The following DOK6 variants were observed in gnomAD, a reference collection of about 807,000 sequenced individuals.
DOK6 encodes downstream of tyrosine kinase 6.
In DOK6, 22 loss-of-function variants were observed where a neutral mutation model predicts 44.0. The ratio of observed to expected loss-of-function variants is 0.50; its 90% CI spans 0.36 to 0.71. DOK6 has a LOEUF of 0.71. Ranked by LOEUF, DOK6 falls within the 30% of genes least tolerant of loss-of-function variation. DOK6 has a pLI of 0.00. For synonymous variants in DOK6, 166 were observed against 145.5 expected, an observed-to-expected ratio of 1.14 and a Z score of -1.01; for missense variants, 340 against 416.4, an observed-to-expected ratio of 0.82 and a Z score of 1.60.
At position 69,608,880 on chromosome 18, in the gene DOK6, G is replaced by A. The variant is rs986841729; in HGVS notation, c.289+9382G>A. ...CAGGTGAATCGCTTCAACCCGGGAGGTGGAGGTTGCAGTGAGCCGAGATGG... is the reference window on the plus strand; with the variant it reads ...CAGGTGAATCGCTTCAACCCGGGAGATGGAGGTTGCAGTGAGCCGAGATGG... On this transcript the variant is annotated intron_variant, in intron 3 of 7. Transcript: ENST00000382713. Among the ~76,000 whole-genome samples the A allele has an allele frequency of 3.4e-5, 5 of 147,872 alleles. No individual in the cohort carries two copies. The East Asian group carries it at 1.0e-3, about 30-fold the overall frequency.
intron 7 of DOK6, among the ~76,000 whole-genome samples, chr18:69,761,817 G>C (rs765800697): frequency 5.3e-5 from 8 of 152,224 alleles, no homozygotes; most frequent in Non-Finnish European, 1.2e-4. Context: ...AGGTATCTGA[G>C]TCATGTGGAC....
chr18:69,843,568 AC>A lies in DOK6; in HGVS notation c.*2186del, dbSNP rs1982282794. 6.6e-6 allele frequency: 1 copy of A among 152,262 alleles called. No individual in the cohort carries two copies. 9.4% of individuals were successfully genotyped at this position (152,262 alleles called of 1,614,324 possible). A position where few individuals can be genotyped will look rare whatever the true frequency, so the allele number is the denominator to read the frequency against. Reference sequence around the variant, plus strand: ...CTTTATTCATGTGCTGGAAGCACAAACAGCGAGTCCAGGGAGGGATTCTGCT... The same window carrying A: ...CTTTATTCATGTGCTGGAAGCACAAAAGCGAGTCCAGGGAGGGATTCTGCT... On this transcript the variant is annotated 3_prime_UTR_variant, in exon 8 of 8. Transcript: ENST00000382713.
chr18:69,511,708 T>A (rs1426667987), intron 1 of DOK6, among the ~76,000 whole-genome samples: 1 of 152,248 alleles, frequency 6.6e-6, no homozygotes, highest in Non-Finnish European at 1.5e-5. Flanking sequence ...CATCTGTAAA[T>A]TTATAATTAG....
At chr18:69,624,792 C>A (rs955240459) in intron 3 of DOK6, among the ~76,000 whole-genome samples, 1 of 152,096 alleles carries the variant, frequency 6.6e-6, no homozygotes, top group African/African-American at 2.4e-5. Flanking sequence ...GAAGCCAATT[C>A]TTTCCTAATT....
intron 4 of DOK6, among the ~76,000 whole-genome samples, chr18:69,695,842 C>T (rs1007763415): frequency 2.0e-5 from 3 of 151,988 alleles, no homozygotes; most frequent in Admixed American, 2.0e-4. Flanking sequence ...AAATAGCATC[C>T]AAAGGAAGAC....
chr18:69,763,524 G>A (rs1441758969), intron 7 of DOK6, among the ~76,000 whole-genome samples: 3 of 152,046 alleles, frequency 2.0e-5, no homozygotes, highest in African/African-American at 7.2e-5. Flanking sequence ...GTATTTCCAA[G>A]GCGTTGGGAA....
At chr18:69,564,659 C>A in intron 2 of DOK6, 65 bp downstream of exon 2, 7 of 1,320,830 alleles carry the variant, frequency 5.3e-6, no homozygotes, top group South Asian at 2.7e-5. Context: ...GGAGATATTT[C>A]TTTGATAAAT....
intron 7 of DOK6, among the ~76,000 whole-genome samples, chr18:69,815,547 C>T (rs963099527): frequency 2.6e-5 from 4 of 152,164 alleles, no homozygotes; most frequent in Non-Finnish European, 5.9e-5. Flanking sequence ...CATGCTTTCA[C>T]ATAAGAATGA....
At position 69,712,949 on chromosome 18, in the gene DOK6, G is replaced by A. The variant is rs186888027; in HGVS notation, c.599+14356G>A. Among the ~76,000 whole-genome samples the A allele has an allele frequency of 2.6e-5, 4 of 152,264 alleles. No homozygotes were observed. The East Asian group carries it at 7.7e-4, about 29-fold the overall frequency. On this transcript the variant is annotated intron_variant, in intron 5 of 7. Coordinates refer to ENST00000382713, the MANE Select transcript of DOK6 (RefSeq NM_152721.6). ...TCTTTCCTGATTTGATTACATAGGT[G>A]GAAAAGATGCTTGAAAATATTGCTT...
chr18:69,654,278 A>C lies in DOK6; in HGVS notation c.290-23456A>C, dbSNP rs530432165. The stretch of plus-strand genomic sequence containing the variant: ...AAGAGAAAAAGAGATTGTGTCAAGG[A>C]AATATTTGAATGGAAATTGGCAGAG... On this transcript the variant is annotated intron_variant, in intron 3 of 7. Transcript: ENST00000382713. Among the ~76,000 whole-genome samples, 11 of 152,338 alleles carry C rather than the reference A, an allele frequency of 7.2e-5. No homozygotes were observed. The South Asian group carries it at 2.3e-3, about 32-fold the overall frequency.
intron 3 of DOK6, among the ~76,000 whole-genome samples, chr18:69,674,291 C>G (rs1985871110): frequency 6.6e-6 from 1 of 152,126 alleles, no homozygotes; most frequent in African/African-American, 2.4e-5. Flanking sequence ...ACTGTTAGCT[C>G]CAAGTATACA....
intron 6 of DOK6, among the ~76,000 whole-genome samples, chr18:69,750,134 G>A (rs917948274): frequency 6.6e-6 from 1 of 150,614 alleles, no homozygotes; most frequent in African/African-American, 2.4e-5. Context: ...AAGTGCAGAT[G>A]AAACAAAGAT....
intron 2 of DOK6, among the ~76,000 whole-genome samples, chr18:69,598,657 T>C (rs911874857): frequency 5.3e-5 from 8 of 152,276 alleles, no homozygotes; most frequent in African/African-American, 1.7e-4. Context: ...TGAGGAAATA[T>C]ACATTTGTTT....
intron 1 of DOK6, among the ~76,000 whole-genome samples, chr18:69,534,113 C>T (rs903304520): frequency 1.2e-4 from 18 of 152,118 alleles, no homozygotes; most frequent in African/African-American, 4.3e-4. Flanking sequence ...TTTTAAAATA[C>T]ATTTTTCAAT....
At chr18:69,744,320 A>G (rs1436611929) in intron 6 of DOK6, among the ~76,000 whole-genome samples, 1 of 152,118 alleles carries the variant, frequency 6.6e-6, no homozygotes, top group Non-Finnish European at 1.5e-5. Context: ...AAAAAAAAAA[A>G]AAAAGAATAA....
intron 3 of DOK6, among the ~76,000 whole-genome samples, chr18:69,613,168 G>T (rs1222916590): frequency 2.0e-5 from 3 of 152,166 alleles, no homozygotes; most frequent in African/African-American, 7.2e-5. Context: ...ACCGTGGCTT[G>T]CCTATTGCTT....
At chr18:69,556,266 G>A (rs902073207) in intron 1 of DOK6, among the ~76,000 whole-genome samples, 18 of 152,048 alleles carry the variant, frequency 1.2e-4, no homozygotes. Context: ...AGCTCTTGAA[G>A]CAGTTCAGAA....
At chr18:69,499,740 C>T (rs1001900841) in intron 1 of DOK6, among the ~76,000 whole-genome samples, 1 of 152,160 alleles carries the variant, frequency 6.6e-6, no homozygotes, top group Admixed American at 6.5e-5. Flanking sequence ...TCAGACTTAA[C>T]AAGTTCAGTT....
In DOK6 at chr18:69,401,157, T is replaced by G; in HGVS notation, c.-88T>G. The G allele has an allele frequency of 7.5e-7, 1 of 1,341,214 alleles. No individual in the cohort carries two copies. Among genetic ancestry groups the G allele is most frequent in the Non-Finnish European group, 9.7e-7 (1 of 1,028,414 alleles). 83.1% of individuals were successfully genotyped at this position (1,341,214 alleles called of 1,614,324 possible). ...CTGCTGCTGGCGGCGGCCGGCTGGA[T>G]GCGAGACCCGCGCAGACCCGGCGGC... On this transcript the variant is annotated 5_prime_UTR_variant, in exon 1 of 8. An upstream start codon of the reference 5' UTR is lost. Transcript: ENST00000382713.
Sources: allele counts gnomAD v4.1 joint callset (sites outside exome capture counted in the v4.1 genomes callset), GRCh38; gene constraint gnomAD v4.1.1; transcripts MANE v1.5; gene names NCBI Gene and HGNC (gene_info 2026-07-23, HGNC 2026-07-21).